The following SH3GL2 variants were observed in gnomAD, a reference collection of about 807,000 sequenced individuals.
SH3GL2 encodes endophilin-A1.
Under a neutral mutation model 46.0 loss-of-function variants are expected in SH3GL2, and 24 were observed. The ratio of observed to expected loss-of-function variants is 0.52; its 90% CI spans 0.38 to 0.73. The LOEUF is 0.73. Among genes scored for constraint, SH3GL2 ranks in the 30% least tolerant of loss-of-function variants. SH3GL2 has a pLI of 0.00. For synonymous variants in SH3GL2, 196 were observed against 147.1 expected (o/e 1.33, Z -2.40); for missense variants, 413 against 424.2 (o/e 0.97, Z 0.23).
At chr9:17,754,469 C>T (rs1044847427) in intron 2 of SH3GL2, among the ~76,000 whole-genome samples, 1 of 151,966 alleles carries the variant, frequency 6.6e-6, no homozygotes, top group Non-Finnish European at 1.5e-5. Context: ...GTCAGGAGAT[C>T]GAGACCATCC....
chr9:17,596,536 C>G (rs1394749163), intron 1 of SH3GL2, among the ~76,000 whole-genome samples: 1 of 152,124 alleles, frequency 6.6e-6, no homozygotes, highest in East Asian at 1.9e-4. Flanking sequence ...GGGCATCTGT[C>G]ACTTCTTAGC....
chr9:17,609,761 A>C (rs1454847802), intron 1 of SH3GL2, among the ~76,000 whole-genome samples: 2 of 152,266 alleles, frequency 1.3e-5, no homozygotes, highest in Non-Finnish European at 2.9e-5. Context: ...GCAAAGTGAC[A>C]GCTGAGCAAA....
intron 2 of SH3GL2, among the ~76,000 whole-genome samples, chr9:17,747,399 A>T (rs912202409): frequency 1.3e-5 from 2 of 152,176 alleles, no homozygotes; most frequent in Admixed American, 1.3e-4. Flanking sequence ...TCATCATTTT[A>T]AAAAAATAAG....
chr9:17,655,075 C>T (rs58433147), intron 1 of SH3GL2, among the ~76,000 whole-genome samples: 3,596 of 152,250 alleles, frequency 0.024, 59 homozygotes, highest in South Asian at 0.031. Context: ...TGAATTAGAT[C>T]AGCATGAATT....
rs1418322381 is a variant in SH3GL2 at position 17,579,263 on chromosome 9, G to A, written c.21G>A (p.Lys7=). ...GCACCATGTCGGTGGCCGGCCTCAA[G>A]AAGCAGTTCCATAAAGCCACTCAGG... is the stretch of plus-strand genomic sequence containing the variant. MSVAGL[K]KQFHKATQKV... is the part of the protein sequence containing the mutation. Residue 7 remains lysine, a synonymous_variant, in exon 1 of 9, where the codon AAG becomes AAA. Coordinates refer to ENST00000380607, the MANE Select transcript of SH3GL2 (RefSeq NM_003026.5). 2.6e-6 allele frequency: 4 copies of A among 1,567,512 alleles called. No individual in the cohort carries two copies. The highest frequency in any genetic ancestry group is 1.2e-5 in the South Asian group (1 of 86,396).
chr9:17,710,045 CTTGCTATGTT>C (rs1821577239), intron 1 of SH3GL2, among the ~76,000 whole-genome samples: 1 of 151,828 alleles, frequency 6.6e-6, no homozygotes, highest in South Asian at 2.1e-4. Flanking sequence ...CTGGGAAGGA[CTTGCTATGTT>C]GAAGAGTCTG....
At chr9:17,722,423 A>G (rs1821918110) in intron 1 of SH3GL2, among the ~76,000 whole-genome samples, 1 of 152,084 alleles carries the variant, frequency 6.6e-6, no homozygotes. Flanking sequence ...GTGAACATTC[A>G]TTTACTGTTG....
At chr9:17,780,478 T>A (rs1322722560) in intron 3 of SH3GL2, among the ~76,000 whole-genome samples, 1 of 128,426 alleles carries the variant, frequency 7.8e-6, no homozygotes, top group Admixed American at 8.4e-5. Context: ...AGTTTTTTTT[T>A]TTAATTTTTT....
At chr9:17,738,926 C>T (rs1051864188) in intron 1 of SH3GL2, among the ~76,000 whole-genome samples, 7 of 152,152 alleles carry the variant, frequency 4.6e-5, no homozygotes, top group Admixed American at 3.9e-4. Context: ...ACCATTTTCA[C>T]AAAACAGCTT....
chr9:17,601,065 A>G (rs1187094993), intron 1 of SH3GL2, among the ~76,000 whole-genome samples: 2 of 152,096 alleles, frequency 1.3e-5, no homozygotes, highest in Admixed American at 6.6e-5. Context: ...GTGTATGTGC[A>G]CTACCAAGCT....
At chr9:17,617,859 G>A (rs1218831915) in intron 1 of SH3GL2, among the ~76,000 whole-genome samples, 2 of 152,096 alleles carry the variant, frequency 1.3e-5, no homozygotes, top group Non-Finnish European at 2.9e-5. Context: ...TTGTGAGCGC[G>A]AGAGAAGGTA....
chr9:17,726,618 A>C (rs1436743267), intron 1 of SH3GL2, among the ~76,000 whole-genome samples: 1 of 152,188 alleles, frequency 6.6e-6, no homozygotes, highest in African/African-American at 2.4e-5. Context: ...CAATAGCAGA[A>C]CAAACAACAG....
At chr9:17,676,355 C>T (rs1303156619) in intron 1 of SH3GL2, among the ~76,000 whole-genome samples, 1 of 152,142 alleles carries the variant, frequency 6.6e-6, no homozygotes, top group East Asian at 1.9e-4. Context: ...CATGTAATCC[C>T]AGCACTTTGG....
intron 2 of SH3GL2, among the ~76,000 whole-genome samples, chr9:17,760,694 C>G (rs1161685409): frequency 2.0e-5 from 3 of 152,070 alleles, no homozygotes; most frequent in African/African-American, 7.2e-5. Context: ...TGCATTTATT[C>G]TCATTAGTCA....
At chr9:17,780,162 T>C (rs559130185) in intron 3 of SH3GL2, among the ~76,000 whole-genome samples, 2 of 152,278 alleles carry the variant, frequency 1.3e-5, no homozygotes, top group African/African-American at 2.4e-5. Flanking sequence ...TATTATAAAC[T>C]TCTGTTTAAA....
At chr9:17,668,864 C>T (rs1290256377) in intron 1 of SH3GL2, among the ~76,000 whole-genome samples, 2 of 152,044 alleles carry the variant, frequency 1.3e-5, no homozygotes, top group Non-Finnish European at 2.9e-5. Context: ...TGCTATGTTG[C>T]CTAGGCTGGT....
chr9:17,686,969 A>G (rs1820930198), intron 1 of SH3GL2, among the ~76,000 whole-genome samples: 1 of 151,964 alleles, frequency 6.6e-6, no homozygotes, highest in African/African-American at 2.4e-5. Flanking sequence ...GGGAAGATCG[A>G]CAGTGGAATC....
Position 17,608,392 on chromosome 9 carries a change from C to T in SH3GL2, c.45+29105C>T, listed in dbSNP as rs975037704. Among the ~76,000 whole-genome samples, 8 of 152,172 alleles carry T rather than the reference C, an allele frequency of 5.3e-5. No individual in the cohort carries two copies. The East Asian group carries it at 7.7e-4, about 15-fold the overall frequency. On this transcript the variant is annotated intron_variant, in intron 1 of 8. Transcript: ENST00000380607. ...CGATCTCCTGACCTCGTGATCTGCC[C>T]GCCTTGGCCTCCCAAAGTGTAAACT...
At chr9:17,715,879 C>T (rs902400207) in intron 1 of SH3GL2, among the ~76,000 whole-genome samples, 1 of 151,960 alleles carries the variant, frequency 6.6e-6, no homozygotes, top group Non-Finnish European at 1.5e-5. Context: ...TAACACAAAG[C>T]CTATTTTGTA....
Sources: allele counts gnomAD v4.1 joint callset (sites outside exome capture counted in the v4.1 genomes callset), GRCh38; gene constraint gnomAD v4.1.1; transcripts MANE v1.5; gene names NCBI Gene and HGNC (gene_info 2026-07-23, HGNC 2026-07-21).